The following RLN2 variants were observed in gnomAD, a reference collection of about 807,000 sequenced individuals.
The protein encoded by RLN2 is prorelaxin H2.
RLN2 carries 10 observed loss-of-function variants against 7.3 expected under a neutral mutation model. That is an observed-to-expected ratio of 1.36 (90% CI 0.84 to 2.31). The LOEUF (loss-of-function observed/expected upper bound fraction) is 2.31, where lower values mean the gene tolerates loss of function less well. Ranked by LOEUF, RLN2 falls within the 30% of genes most tolerant of loss-of-function variation. The probability of loss-of-function intolerance (pLI) is 0.00; values close to 1 mark genes in which losing one functional copy is unlikely to be tolerated. For synonymous variants in RLN2, 103 were observed against 82.3 expected (o/e 1.25, Z -1.36); for missense variants, 298 against 217.6 (o/e 1.37, Z -2.32).
the RLN2 span, among the ~76,000 whole-genome samples, chr9:5,309,990 G>A: frequency 6.6e-6 from 1 of 151,964 alleles, no homozygotes; most frequent in Non-Finnish European, 1.5e-5. Context: ...GATCCAGGCT[G>A]CCACAGGAGC....
chr9:5,315,125 A>T, the RLN2 span, among the ~76,000 whole-genome samples: 1 of 152,154 alleles, frequency 6.6e-6, no homozygotes, highest in South Asian at 2.1e-4. Flanking sequence ...GACCCCAAAG[A>T]AAAGGAAGTT....
At chr9:5,339,191 G>T in the RLN2 span, 1 of 199,418 alleles carries the variant, frequency 5.0e-6, no homozygotes, top group South Asian at 2.5e-5. Context: ...GGCCTCCTGC[G>T]GGTCTCCGGG....
chr9:5,330,432 A>C, the RLN2 span, among the ~76,000 whole-genome samples: 1 of 151,764 alleles, frequency 6.6e-6, no homozygotes, highest in Non-Finnish European at 1.5e-5. Flanking sequence ...AGGTCAGGAG[A>C]TCGAGACCAT....
the RLN2 span, among the ~76,000 whole-genome samples, chr9:5,325,481 A>G: frequency 6.6e-6 from 1 of 152,108 alleles, no homozygotes; most frequent in African/African-American, 2.4e-5. Context: ...GAGCTTAATA[A>G]AGCAATAGAG....
In RLN2 at chr9:5,300,146, T is replaced by C; in HGVS notation, c.510A>G (p.Lys170=). 3.1e-6 allele frequency: 5 copies of C among 1,605,316 alleles called. No homozygotes were observed. Among genetic ancestry groups the C allele is most frequent in the African/African-American group, 1.3e-5 (1 of 74,376 alleles). The change falls in exon 2 of 2, where the codon AAA becomes AAG. Residue 170 remains lysine (K), a synonymous_variant. Transcript: ENST00000381627. The part of the protein sequence containing the change: ...KRQLYSALAN[K]CCHVGCTKRS... ...TTTTGGTACAACCAACATGGCAACA[T>C]TTATTAGCCAATGCACTGTAGAGTT...
the RLN2 span, among the ~76,000 whole-genome samples, chr9:5,323,584 T>A: frequency 6.6e-6 from 1 of 151,956 alleles, no homozygotes; most frequent in African/African-American, 2.4e-5. Flanking sequence ...AAAGCTCTAA[T>A]TGCTGTACTT....
chr9:5,335,320 G>C, the RLN2 span: 2 of 1,611,818 alleles, frequency 1.2e-6, no homozygotes, highest in Non-Finnish European at 1.7e-6. Context: ...GTGCCACGTA[G>C]GGTCGTCTCT....
the RLN2 span, among the ~76,000 whole-genome samples, chr9:5,333,220 C>G: frequency 6.6e-6 from 1 of 152,008 alleles, no homozygotes; most frequent in Non-Finnish European, 1.5e-5. Flanking sequence ...CATAAGATGA[C>G]AGAAGGAAAT....
chr9:5,327,568 C>A, the RLN2 span, among the ~76,000 whole-genome samples: 4 of 152,066 alleles, frequency 2.6e-5, no homozygotes, highest in Non-Finnish European at 5.9e-5. Flanking sequence ...CTCAGCACGG[C>A]ATTCGAGCTT....
the RLN2 span, among the ~76,000 whole-genome samples, chr9:5,320,342 T>C: frequency 2.0e-5 from 3 of 151,922 alleles, no homozygotes; most frequent in Admixed American, 1.3e-4. Context: ...CAGTGAATTT[T>C]GGACACTAAC....
chr9:5,302,599 A>T (rs940095138), intron 1 of RLN2, among the ~76,000 whole-genome samples: 4 of 152,324 alleles, frequency 2.6e-5, no homozygotes, highest in Middle Eastern at 3.4e-3. Context: ...CACATCAATA[A>T]AGAAAATTCT....
chr9:5,307,274 TAGATAGATAG>T (rs1205074027), upstream of RLN2, among the ~76,000 whole-genome samples: 2 of 36,642 alleles, frequency 5.5e-5, no homozygotes, highest in Admixed American at 2.2e-4. Context: ...AGATAGAGGA[TAGATAGATAG>T]ATAGATAGAT....
At chr9:5,336,616 T>C in the RLN2 span, among the ~76,000 whole-genome samples, 4 of 152,106 alleles carry the variant, frequency 2.6e-5, no homozygotes, top group African/African-American at 9.7e-5. Context: ...CTAAACTCTC[T>C]CCTAACCTTA....
the RLN2 span, among the ~76,000 whole-genome samples, chr9:5,327,165 A>G: frequency 6.6e-6 from 1 of 152,080 alleles, no homozygotes; most frequent in African/African-American, 2.4e-5. Flanking sequence ...AACAGACTGT[A>G]GCTGGAGAAA....
At chr9:5,324,828 G>T in the RLN2 span, among the ~76,000 whole-genome samples, 1 of 152,062 alleles carries the variant, frequency 6.6e-6, no homozygotes, top group Non-Finnish European at 1.5e-5. Flanking sequence ...TCTCTTTGGG[G>T]TTCTATCCTT....
At chr9:5,317,513 A>G in the RLN2 span, among the ~76,000 whole-genome samples, 2 of 150,724 alleles carry the variant, frequency 1.3e-5, no homozygotes, top group African/African-American at 4.9e-5. Context: ...AACTGGCCCT[A>G]CTAGATATTA....
chr9:5,333,989 T>A, the RLN2 span, among the ~76,000 whole-genome samples: 1 of 152,006 alleles, frequency 6.6e-6, no homozygotes, highest in East Asian at 1.9e-4. Context: ...TTAAAAACTC[T>A]CAATAAACTA....
chr9:5,311,517 T>C, the RLN2 span: 7 of 718,612 alleles, frequency 9.7e-6, no homozygotes, highest in South Asian at 1.0e-4. Flanking sequence ...ACAGAGAAGA[T>C]CATGAGGTTG....
At chr9:5,300,815 T>C (rs1816106615) in intron 1 of RLN2, among the ~76,000 whole-genome samples, 1 of 152,230 alleles carries the variant, frequency 6.6e-6, no homozygotes, top group African/African-American at 2.4e-5. Context: ...GGATTCTTCT[T>C]AGTTAAGTCA....
Sources: gnomAD v4.1 joint callset for allele counts (sites outside exome capture counted in the v4.1 genomes callset) on GRCh38, gnomAD v4.1.1 for gene constraint, MANE v1.5 for transcripts, NCBI Gene and HGNC (gene_info 2026-07-23, HGNC 2026-07-21) for gene names.